The following MACF1 variants were observed in gnomAD, a reference collection of about 807,000 sequenced individuals.
The protein encoded by MACF1 is microtubule actin crosslinking factor 1, also known as microtubule-actin cross-linking factor 1.
Under a neutral mutation model 854.8 loss-of-function variants are expected in MACF1, and 193 were observed. The ratio of observed to expected loss-of-function variants is 0.23; its 90% confidence interval spans 0.20 to 0.25. The LOEUF is 0.25. MACF1 is among the 10% of genes least tolerant of loss of function. MACF1 has a pLI of 1.00. For synonymous variants in MACF1, 3,185 were observed against 3,226.7 expected, an observed-to-expected ratio of 0.99 and a Z score of 0.44; for missense variants, 7,722 against 8,929.1, an observed-to-expected ratio of 0.86 and a Z score of 5.45.
intron 66 of MACF1, 53 bp downstream of exon 66, chr1:39,430,961 G>A: frequency 6.8e-7 from 1 of 1,472,490 alleles, no homozygotes; most frequent in Non-Finnish European, 9.5e-7. Context: ...TGATGTGTGA[G>A]ATACAGTACT....
chr1:39,322,975 C>T lies in MACF1; in HGVS notation c.4203C>T (p.Ile1401=), dbSNP rs989269216. The part of the protein sequence containing the change: ...VTLTTQHVKY[I]SDALRRLEEE... ...TAACAACTCAGCACGTGAAATACAT[C>T]AGTGATGCACTCCGGCGTCTGGAGG... Residue 1401 remains isoleucine (I), a synonymous_variant, in exon 33 of 101, where the codon ATC becomes ATT. Coordinates refer to ENST00000564288, the MANE Select transcript of MACF1 (RefSeq NM_001394062.1). 5 of 1,614,000 alleles carry T rather than the reference C, an allele frequency of 3.1e-6. No individual in the cohort carries two copies. The Admixed American group carries it at 6.7e-5, about 22-fold the overall frequency.
chr1:39,091,410 G>A (rs982148886), intron 2 of MACF1, among the ~76,000 whole-genome samples: 6 of 152,208 alleles, frequency 3.9e-5, no homozygotes, highest in African/African-American at 1.4e-4. Context: ...GGGGGAGCAA[G>A]AGCACTACCT....
chr1:39,310,919 C>A lies in MACF1; in HGVS notation c.3189C>A (p.Val1063=). 6.2e-7 allele frequency: 1 copy of A among 1,614,132 alleles called. No homozygotes were observed. The highest frequency in any genetic ancestry group is 8.5e-7 in the Non-Finnish European group (1 of 1,180,008). ...LRLEEYEQRV[V]KRIQSLASSR... ...TGGAGGAGTATGAACAGAGGGTGGT[C>A]AAACGAATTCAGTCTCTAGCCAGCT... Residue 1063 remains valine (V), a synonymous_variant, in exon 26 of 101, where the codon GTC becomes GTA. Transcript: ENST00000564288.
intron 7 of MACF1, among the ~76,000 whole-genome samples, chr1:39,282,740 G>A (rs945422649): frequency 7.9e-5 from 12 of 152,152 alleles, no homozygotes; most frequent in Non-Finnish European, 1.5e-4. Flanking sequence ...GAGCCATGAG[G>A]GAGTGAGTCA....
chr1:39,122,648 G>A (rs1325853554), intron 2 of MACF1, among the ~76,000 whole-genome samples: 3 of 152,148 alleles, frequency 2.0e-5, no homozygotes, highest in Non-Finnish European at 2.9e-5. Flanking sequence ...TGAAATCAGC[G>A]GTTTCAGTAG....
intron 87 of MACF1, 29 bp from the exon 88 acceptor site, chr1:39,453,678 G>A (rs772159422): frequency 8.1e-6 from 13 of 1,610,054 alleles, no homozygotes; most frequent in East Asian, 2.2e-5. Flanking sequence ...GACTTTTTAC[G>A]TTTTTGTTTT....
At chr1:39,349,369 CT>C in intron 41 of MACF1, 108 bp from the exon 42 acceptor site, 1 of 1,184,362 alleles carries the variant, frequency 8.4e-7, no homozygotes. Context: ...CTCCCACCAA[CT>C]TTTCCATCCT....
intron 58 of MACF1, among the ~76,000 whole-genome samples, chr1:39,407,715 C>A (rs1199772940): frequency 1.3e-5 from 2 of 152,230 alleles, no homozygotes; most frequent in African/African-American, 4.8e-5. Context: ...TAAGGCTCAG[C>A]TCAAGGTTTC....
chr1:39,461,250 C>T (rs1440923420), intron 92 of MACF1, among the ~76,000 whole-genome samples: 1 of 152,056 alleles, frequency 6.6e-6, no homozygotes, highest in Non-Finnish European at 1.5e-5. Flanking sequence ...CATAGGAAAA[C>T]TTCATGCTAT....
rs746575303 is a variant in MACF1 at position 39,388,590 on chromosome 1, G to T, written c.15748G>T (p.Ala5250Ser). 6.2e-6 allele frequency: 10 copies of T among 1,613,480 alleles called. No homozygotes were observed. In the South Asian group the frequency reaches 1.1e-4, roughly 18 times the overall value. Residue 5250 changes from alanine (A) to serine (S), a missense_variant, in exon 58 of 101, where the codon GCA becomes TCA. Ala to Ser is a moderately conservative substitution (Grantham distance 99, BLOSUM62 1). Transcript: ENST00000564288. ...TGACGCGACCACAGCAGCAGAGGAGGCAGAGGCCCTCCAGTGGGTAGTGGG... is the reference window on the plus strand; with the variant it reads ...TGACGCGACCACAGCAGCAGAGGAGTCAGAGGCCCTCCAGTGGGTAGTGGG... Reference protein sequence around the residue: ...LNDATTAAEEAEALQWVVGTE... With the variant: ...LNDATTAAEESEALQWVVGTE...
At chr1:39,435,466 C>A in intron 69 of MACF1, 92 bp from the exon 70 acceptor site, 2 of 1,069,716 alleles carry the variant, frequency 1.9e-6, no homozygotes, top group South Asian at 1.5e-5. Context: ...TTGTTTGTTC[C>A]TCTTAAAGTT....
intron 35 of MACF1, among the ~76,000 whole-genome samples, chr1:39,326,519 A>G (rs774926062): frequency 1.3e-5 from 2 of 151,962 alleles, no homozygotes; most frequent in Non-Finnish European, 2.9e-5. Context: ...AGTTTGTACT[A>G]AAATTACAAA....
intron 58 of MACF1, chr1:39,411,382 G>A (rs1197672225): frequency 6.2e-7 from 1 of 1,613,934 alleles, no homozygotes; most frequent in Non-Finnish European, 8.5e-7. Context: ...AGCAGTGGTG[G>A]AGGATGGATC....
chr1:39,198,833 T>G (rs749754470), intron 2 of MACF1, among the ~76,000 whole-genome samples: 3 of 151,874 alleles, frequency 2.0e-5, no homozygotes, highest in East Asian at 1.9e-4. Context: ...AAGAAAGAAA[T>G]AAAAGGGAAG....
At chr1:39,362,970 C>T (rs2148521787) in intron 49 of MACF1, among the ~76,000 whole-genome samples, 1 of 152,232 alleles carries the variant, frequency 6.6e-6, no homozygotes, top group South Asian at 2.1e-4. Context: ...AATATATTTA[C>T]TTATTTGTTT....
intron 15 of MACF1, among the ~76,000 whole-genome samples, chr1:39,289,000 T>C (rs1221304362): frequency 6.6e-6 from 1 of 152,228 alleles, no homozygotes; most frequent in East Asian, 1.9e-4. Flanking sequence ...TGTTTGTCTT[T>C]CTGTGCCTAG....
intron 6 of MACF1, chr1:39,269,463 A>G (rs1422363166): frequency 7.8e-7 from 1 of 1,289,858 alleles, no homozygotes. Context: ...TGGAGGCCAA[A>G]GACGCACGGA....
chr1:39,242,855 G>T (rs1188312280), intron 2 of MACF1, among the ~76,000 whole-genome samples: 2 of 152,058 alleles, frequency 1.3e-5, no homozygotes, highest in African/African-American at 4.8e-5. Flanking sequence ...GACCAGCCTG[G>T]GTAACATACT....
At chr1:39,362,967 T>A (rs1342975699) in intron 49 of MACF1, among the ~76,000 whole-genome samples, 2 of 152,210 alleles carry the variant, frequency 1.3e-5, no homozygotes, top group Non-Finnish European at 2.9e-5. Flanking sequence ...TTTAATATAT[T>A]TACTTATTTG....
Sources: allele counts gnomAD v4.1 joint callset (sites outside exome capture counted in the v4.1 genomes callset), GRCh38; gene constraint gnomAD v4.1.1; transcripts MANE v1.5; gene names NCBI Gene and HGNC (gene_info 2026-07-23, HGNC 2026-07-21).